KDSR: variants seen among roughly 807,000 people sequenced by gnomAD.
KDSR encodes the protein 3-ketodihydrosphingosine reductase.
Under a neutral mutation model 41.3 loss-of-function variants are expected in KDSR, and 23 were observed. The observed-to-expected ratio is 0.56, with a 90% CI of 0.40 to 0.79. The LOEUF (loss-of-function observed/expected upper bound fraction) is 0.79. KDSR is among the 30% of genes least tolerant of loss of function. The pLI is 0.00. For synonymous variants in KDSR, 138 were observed against 151.7 expected (o/e 0.91, Z 0.66); for missense variants, 351 against 416.8 (o/e 0.84, Z 1.37).
chr18:63,362,027 G>A (rs534389806), intron 2 of KDSR, among the ~76,000 whole-genome samples: 1 of 152,184 alleles, frequency 6.6e-6, no homozygotes, highest in Non-Finnish European at 1.5e-5. Flanking sequence ...ACATTCCCAG[G>A]CACTCCATCA....
chr18:63,334,052 G>C (rs1281020966), intron 9 of KDSR, among the ~76,000 whole-genome samples: 1 of 152,224 alleles, frequency 6.6e-6, no homozygotes, highest in Middle Eastern at 3.2e-3. Flanking sequence ...CTAAGTGCCA[G>C]GCGCTGGCTG....
chr18:63,343,990 G>A (rs1421587608), intron 7 of KDSR, among the ~76,000 whole-genome samples: 1 of 152,050 alleles, frequency 6.6e-6, no homozygotes, highest in Non-Finnish European at 1.5e-5. Flanking sequence ...CAGCCTGGGC[G>A]ACATAGTGAG....
At chr18:63,360,906 G>A (rs752923096) in intron 2 of KDSR, among the ~76,000 whole-genome samples, 4 of 148,016 alleles carry the variant, frequency 2.7e-5, no homozygotes, top group African/African-American at 1.0e-4. Flanking sequence ...TGTAAGCCCA[G>A]CACTTTGGGA....
chr18:63,340,068 G>A (rs1914300812), intron 7 of KDSR, among the ~76,000 whole-genome samples: 1 of 152,138 alleles, frequency 6.6e-6, no homozygotes, highest in Admixed American at 6.6e-5. Context: ...AGATTCTAAA[G>A]TACTATGGCG....
intron 7 of KDSR, 104 bp downstream of exon 7, chr18:63,344,306 A>G (rs1386028055): frequency 2.7e-6 from 2 of 750,638 alleles, no homozygotes; most frequent in African/African-American, 3.5e-5. Context: ...TCTACCCAAC[A>G]AACATTGTTG....
intron 7 of KDSR, 68 bp downstream of exon 7, chr18:63,344,342 A>T: frequency 9.2e-7 from 1 of 1,082,844 alleles, no homozygotes; most frequent in Non-Finnish European, 1.4e-6. Context: ...TGTGAGCTGA[A>T]GAGTAGAAAG....
intron 7 of KDSR, among the ~76,000 whole-genome samples, chr18:63,342,612 A>T (rs570148451): frequency 1.3e-5 from 2 of 152,364 alleles, no homozygotes; most frequent in South Asian, 4.1e-4. Context: ...GAATGGTCCA[A>T]GTGTGCATAA....
chr18:63,332,475 A>C (rs1012286182), intron 9 of KDSR, among the ~76,000 whole-genome samples: 13 of 152,134 alleles, frequency 8.5e-5, no homozygotes, highest in Non-Finnish European at 1.9e-4. Flanking sequence ...AACTCAAAGG[A>C]TTCTCCTGCC....
intron 3 of KDSR, among the ~76,000 whole-genome samples, chr18:63,358,814 CAA>C (rs10652370): frequency 3.2e-5 from 2 of 62,650 alleles, no homozygotes; most frequent in African/African-American, 6.3e-5. Context: ...GACTCTGTCT[CAA>C]AAAAAAAAAA....
chr18:63,350,800 C>T (rs1183612776), intron 6 of KDSR, 88 bp downstream of exon 6: 6 of 962,166 alleles, frequency 6.2e-6, no homozygotes, highest in Non-Finnish European at 9.2e-6. Context: ...TTTAATACAA[C>T]AACACATGTA....
At chr18:63,332,131 C>T (rs999626974) in intron 9 of KDSR, among the ~76,000 whole-genome samples, 1 of 152,196 alleles carries the variant, frequency 6.6e-6, no homozygotes, top group African/African-American at 2.4e-5. Flanking sequence ...TAAATTCAAA[C>T]CATAAGCAGA....
Position 63,338,789 on chromosome 18 carries a change from A to G in KDSR, c.777+11T>C, listed in dbSNP as rs2144352512. 1.3e-6 allele frequency: 2 copies of G among 1,557,278 alleles called. No homozygotes were observed. Among genetic ancestry groups the G allele is most frequent in the East Asian group, 4.5e-5 (2 of 44,578 alleles). ...AACACAAATAGTACAGAAAACAAGG[A>G]TTTTACTTACTATGGCATCTTTAAC... On this transcript the variant is annotated intron_variant, in intron 8 of 9. Transcript: ENST00000645214.
intron 5 of KDSR, among the ~76,000 whole-genome samples, chr18:63,354,649 C>T (rs1222938169): frequency 1.3e-5 from 2 of 152,196 alleles, no homozygotes; most frequent in Non-Finnish European, 2.9e-5. Flanking sequence ...GCCTGAGTGA[C>T]AGAGTGAAAT....
Position 63,367,195 on chromosome 18 carries a change from G to C in KDSR, c.-77C>G, listed in dbSNP as rs1203386858. On this transcript the variant is annotated 5_prime_UTR_variant, in exon 1 of 10. Coordinates refer to ENST00000645214, the MANE Select transcript of KDSR (RefSeq NM_002035.4). ...GGCGCGCAGGGCTGGGCTGCGGCGA[G>C]GCGAGAATCACGCGCGGCGGGCGGG... 1.4e-6 allele frequency: 1 copy of C among 715,538 alleles called. No individual in the cohort carries two copies. Among genetic ancestry groups the C allele is most frequent in the Non-Finnish European group, 1.9e-6 (1 of 517,236 alleles). The allele number at this position is 715,538 out of a possible 1,614,324, so 44.3% of individuals were successfully genotyped here. A position where few individuals can be genotyped will look rare whatever the true frequency, so the allele number is the denominator to read the frequency against.
chr18:63,356,377 C>A (rs1476462045), intron 3 of KDSR, among the ~76,000 whole-genome samples: 1 of 146,476 alleles, frequency 6.8e-6, no homozygotes, highest in African/African-American at 2.5e-5. Flanking sequence ...CCAGCGTGGG[C>A]AACAGAGTGA....
At chr18:63,364,276 T>C (rs1201693863) in intron 1 of KDSR, among the ~76,000 whole-genome samples, 3 of 152,092 alleles carry the variant, frequency 2.0e-5, no homozygotes, top group Non-Finnish European at 4.4e-5. Flanking sequence ...AGCTCTAGAT[T>C]TATTTGTGTG....
At chr18:63,354,945 C>G (rs750113600) in intron 5 of KDSR, among the ~76,000 whole-genome samples, 6 of 152,186 alleles carry the variant, frequency 3.9e-5, no homozygotes, top group Non-Finnish European at 7.3e-5. Flanking sequence ...CTACAGTAAT[C>G]TGTGTCAGAT....
chr18:63,357,161 A>G (rs972163859), intron 3 of KDSR, among the ~76,000 whole-genome samples: 1 of 152,144 alleles, frequency 6.6e-6, no homozygotes, highest in African/African-American at 2.4e-5. Flanking sequence ...ACTCATCAGA[A>G]AGGCAAAAAG....
intron 6 of KDSR, among the ~76,000 whole-genome samples, chr18:63,348,899 G>A (rs1035927839): frequency 6.6e-6 from 1 of 152,326 alleles, no homozygotes; most frequent in Admixed American, 6.5e-5. Context: ...CTAGCCAGGT[G>A]AAGCAACTAG....
Sources: allele counts gnomAD v4.1 joint callset (sites outside exome capture counted in the v4.1 genomes callset), GRCh38; gene constraint gnomAD v4.1.1; transcripts MANE v1.5; gene names NCBI Gene and HGNC (gene_info 2026-07-23, HGNC 2026-07-21).